Variants in UPF2 observed in about 807,000 individuals in gnomAD.
The protein encoded by UPF2 is UPF2 regulator of nonsense mediated mRNA decay, also known as regulator of nonsense transcripts 2.
A neutral mutation model predicts 141.4 loss-of-function variants in UPF2; 17 were observed. That is an observed-to-expected ratio of 0.12 (90% confidence interval 0.08 to 0.18). UPF2 has a LOEUF of 0.18. UPF2 is among the 10% of genes least tolerant of loss of function. The probability of loss-of-function intolerance (pLI) is 1.00; values close to 1 mark genes in which losing one functional copy is unlikely to be tolerated. For synonymous variants in UPF2, 540 were observed against 498.0 expected (o/e 1.08, Z -1.12); for missense variants, 1,152 against 1,515.9 (o/e 0.76, Z 3.99).
intron 9 of UPF2, among the ~76,000 whole-genome samples, chr10:11,972,180 G>A (rs1425685419): frequency 6.6e-6 from 1 of 151,796 alleles, no homozygotes; most frequent in Non-Finnish European, 1.5e-5. Context: ...AGAACCCTCT[G>A]TTCTAGTCAA....
chr10:12,029,503 C>T lies in UPF2; in HGVS notation c.387G>A (p.Gln129=), dbSNP rs773130280. The T allele has an allele frequency of 6.3e-7, 1 of 1,589,030 alleles. No individual in the cohort carries two copies. The highest frequency in any genetic ancestry group is 1.2e-5 in the South Asian group (1 of 85,522). ...GTCGTTCCCAAGCTTCCTGATGAAG[C>T]TGAATGGATTCTTCTTTTTCTCTAT... ...AQMKEKEESI[Q]LHQEAWERHH... Residue 129 remains glutamine, a synonymous_variant, in exon 3 of 22, where the codon CAG becomes CAA. Coordinates refer to ENST00000357604, the MANE Select transcript of UPF2 (RefSeq NM_015542.4).
intron 16 of UPF2, among the ~76,000 whole-genome samples, chr10:11,948,119 G>T (rs550021836): frequency 6.6e-6 from 1 of 151,772 alleles, no homozygotes; most frequent in African/African-American, 2.4e-5. Context: ...GTGGTGGCGA[G>T]TGCTTGTTAT....
At chr10:11,967,150 G>A (rs962197686) in intron 10 of UPF2, among the ~76,000 whole-genome samples, 191 bp downstream of exon 10, 3 of 152,132 alleles carry the variant, frequency 2.0e-5, no homozygotes, top group Non-Finnish European at 2.9e-5. Context: ...GTAATTACTC[G>A]TAGAACTGCA....
In UPF2 at chr10:12,007,657, C is replaced by T. The variant is rs182183113; in HGVS notation, c.1307-2930G>A. Among the ~76,000 whole-genome samples the T allele has an allele frequency of 7.8e-3, 1,190 of 151,718 alleles. 18 individuals are homozygous for T. The highest frequency in any genetic ancestry group is 0.026 in the African/African-American group (1,061 of 41,382). ...TATCCTAGCTAACACAGTGAAACCCCGTCTCTACTAAAAATACAAAAAAAT... is the reference window on the plus strand; with the variant it reads ...TATCCTAGCTAACACAGTGAAACCCTGTCTCTACTAAAAATACAAAAAAAT... On this transcript the variant is annotated intron_variant, in intron 4 of 21. Coordinates refer to ENST00000357604, the MANE Select transcript of UPF2 (RefSeq NM_015542.4).
At chr10:11,926,861 T>C (rs34655625) in intron 21 of UPF2, among the ~76,000 whole-genome samples, 82,470 of 151,868 alleles carry the variant, frequency 0.54, 23,364 homozygotes, top group Non-Finnish European at 0.63. Context: ...GAAGGGAAAA[T>C]AGAAAGTGAA....
At chr10:11,950,841 C>A (rs1017139242) in intron 15 of UPF2, among the ~76,000 whole-genome samples, 1 of 152,128 alleles carries the variant, frequency 6.6e-6, no homozygotes, top group African/African-American at 2.4e-5. Context: ...TATGCCTTTA[C>A]GGGTTAAGTT....
chr10:11,925,791 G>C (rs1832705596), intron 21 of UPF2, among the ~76,000 whole-genome samples: 1 of 152,220 alleles, frequency 6.6e-6, no homozygotes. Context: ...AGGTCAGCTA[G>C]GCTGCAGCAG....
chr10:12,031,103 G>A (rs541705001), intron 2 of UPF2, among the ~76,000 whole-genome samples: 34 of 151,750 alleles, frequency 2.2e-4, no homozygotes, highest in African/African-American at 7.0e-4. Flanking sequence ...GAACCCGGGA[G>A]GCGGAGCTTG....
chr10:11,977,003 C>G (rs989255623), intron 9 of UPF2, among the ~76,000 whole-genome samples: 5 of 152,118 alleles, frequency 3.3e-5, no homozygotes, highest in African/African-American at 1.2e-4. Context: ...GTGGTGGAGC[C>G]AGAGGCAGGC....
chr10:11,962,349 T>TC (rs1833253995), intron 11 of UPF2, among the ~76,000 whole-genome samples: 1 of 152,152 alleles, frequency 6.6e-6, no homozygotes, highest in African/African-American at 2.4e-5. Context: ...ATCTGTTCCC[T>TC]CCCCTTTATT....
rs1834289266 is a variant in UPF2 at position 12,019,992 on chromosome 10, T to G, written c.1146-5808A>C. 6.6e-6 allele frequency among the ~76,000 whole-genome samples: 1 copy of G among 152,184 alleles called. No individual in the cohort carries two copies. Among genetic ancestry groups the G allele is most frequent in the South Asian group, 2.1e-4 (1 of 4,828 alleles). On this transcript the variant is annotated intron_variant, in intron 3 of 21. Coordinates refer to ENST00000357604, the MANE Select transcript of UPF2 (RefSeq NM_015542.4). The surrounding 1 kb of genome is among the most constrained non-coding windows in gnomAD (Gnocchi z 4.5). ...TGCCCACCTCAGCCTCCCAAACCGC[T>G]GGGATTACAGGCATGAGCCACCACG... is the stretch of plus-strand genomic sequence containing the variant.
At chr10:11,947,557 G>T (rs1027807872) in intron 16 of UPF2, among the ~76,000 whole-genome samples, 1 of 152,002 alleles carries the variant, frequency 6.6e-6, no homozygotes, top group African/African-American at 2.4e-5. Context: ...TGAGGGAGGA[G>T]GACTGCTTGA....
intron 1 of UPF2, chr10:12,035,933 T>C (rs1217083833): frequency 1.3e-5 from 2 of 152,426 alleles, no homozygotes; most frequent in Non-Finnish European, 2.9e-5. Flanking sequence ...TTGCCTCCTA[T>C]ATGTCAACGG....
chr10:11,967,893 T>G (rs1455804497), intron 9 of UPF2, among the ~76,000 whole-genome samples: 2 of 152,040 alleles, frequency 1.3e-5, no homozygotes. Flanking sequence ...TAAAATTTCT[T>G]GCTATAGGCC....
At chr10:12,025,389 A>G (rs1477083823) in intron 3 of UPF2, among the ~76,000 whole-genome samples, 1 of 152,044 alleles carries the variant, frequency 6.6e-6, no homozygotes, top group Non-Finnish European at 1.5e-5. Context: ...CATCTCTACT[A>G]AAAATACAAA....
At position 11,998,965 on chromosome 10, in the gene UPF2, C is replaced by T. The variant is rs1208471748; in HGVS notation, c.1758+941G>A. ...ACTTGAATCTGGGAGACAAAGGTTG[C>T]AGTGAGCCAAGACCGTGCCACTGCA... On this transcript the variant is annotated intron_variant, in intron 7 of 21. Transcript: ENST00000357604. This position sits in a 1 kb window ranked among gnomAD's most constrained non-coding sequence, Gnocchi z 4.5. Among the ~76,000 whole-genome samples the T allele has an allele frequency of 2.7e-5, 4 of 147,754 alleles. No homozygotes were observed. The Admixed American group carries it at 2.8e-4, about 10-fold the overall frequency.
intron 8 of UPF2, among the ~76,000 whole-genome samples, chr10:11,997,111 A>G (rs1754186573): frequency 6.6e-6 from 1 of 152,238 alleles, no homozygotes; most frequent in Non-Finnish European, 1.5e-5. Flanking sequence ...AATTTAATGT[A>G]ATATAATGCA....
At chr10:11,997,565 G>C (rs1833884333) in intron 8 of UPF2, 107 bp downstream of exon 8, 1 of 976,486 alleles carries the variant, frequency 1.0e-6, no homozygotes, top group African/African-American at 1.6e-5. Flanking sequence ...ATGACCTACA[G>C]AGTGAATAAA....
chr10:11,932,355 T>C (rs533478460), intron 19 of UPF2, among the ~76,000 whole-genome samples: 3 of 152,084 alleles, frequency 2.0e-5, no homozygotes, highest in South Asian at 4.1e-4. Context: ...AATAATAAAA[T>C]AGTATAAAAC....
Sources: gnomAD v4.1 joint callset for allele counts (sites outside exome capture counted in the v4.1 genomes callset) on GRCh38, gnomAD v4.1.1 for gene constraint, Gnocchi (gnomAD v3.1) non-coding constraint, MANE v1.5 for transcripts, NCBI Gene and HGNC (gene_info 2026-07-23, HGNC 2026-07-21) for gene names.